CWC27: variants seen among roughly 807,000 people sequenced by gnomAD.
CWC27 encodes the protein spliceosome-associated protein CWC27 homolog.
In CWC27, 47 loss-of-function variants were observed where a neutral mutation model predicts 63.6. The observed-to-expected ratio is 0.74, with a 90% CI of 0.58 to 0.94. The LOEUF (loss-of-function observed/expected upper bound fraction) is 0.94, where lower values mean the gene tolerates loss of function less well. CWC27 is among the 40% of genes least tolerant of loss of function. The probability of loss-of-function intolerance (pLI) is 0.00; values close to 1 mark genes in which losing one functional copy is unlikely to be tolerated. For missense variants in CWC27, 495 were observed against 554.3 expected, an observed-to-expected ratio of 0.89 and a Z score of 1.07; for synonymous variants, 175 against 179.8, an observed-to-expected ratio of 0.97 and a Z score of 0.22.
Position 64,906,054 on chromosome 5 carries a change from C to T in CWC27, c.1042+20508C>T, listed in dbSNP as rs559402613. On this transcript the variant is annotated intron_variant, in intron 11 of 13. Transcript: ENST00000381070. ...GTAGTATTCCATGTTGTATATGTGCCACATTTTCTTAATCCAGTCTATCAT... is the reference window on the plus strand; with the variant it reads ...GTAGTATTCCATGTTGTATATGTGCTACATTTTCTTAATCCAGTCTATCAT... 1.8e-4 allele frequency among the ~76,000 whole-genome samples: 28 copies of T among 152,192 alleles called. No individual in the cohort carries two copies. The South Asian group carries it at 5.6e-3, about 30-fold the overall frequency.
chr5:64,782,156 A>G (rs962190874), intron 3 of CWC27, 123 bp downstream of exon 3: 32 of 514,718 alleles, frequency 6.2e-5, no homozygotes, highest in African/African-American at 5.9e-4. Flanking sequence ...ACATTAGTAT[A>G]TAAACATCAG....
At chr5:64,780,680 TACACACGCGC>T (rs1358734135) in intron 2 of CWC27, among the ~76,000 whole-genome samples, 1 of 74,924 alleles carries the variant, frequency 1.3e-5, no homozygotes, top group African/African-American at 3.9e-5. Flanking sequence ...ATCACTTGTA[TACACACGCGC>T]ACACGCGCGC....
In CWC27 at chr5:64,885,527, A is replaced by C; in HGVS notation, c.1023A>C (p.Gln341His). 1.9e-6 allele frequency: 3 copies of C among 1,601,554 alleles called. No homozygotes were observed. The highest frequency in any genetic ancestry group is 2.6e-6 in the Non-Finnish European group (3 of 1,173,378). Residue 341 changes from glutamine to histidine, a missense_variant, in exon 11 of 14, where the codon CAA becomes CAC. Gln to His is a conservative substitution (Grantham distance 24). Transcript: ENST00000381070. ...KQKKVENAAK[Q>H]AEKRSEEEEA... ...AAAAAGTAGAAAATGCAGCAAAACA[A>C]GCAGAAAAAAGAAGTGAAGGTAAGG... is the stretch of plus-strand genomic sequence containing the variant.
At chr5:64,978,629 G>A (rs1011564416) in intron 13 of CWC27, among the ~76,000 whole-genome samples, 6 of 150,502 alleles carry the variant, frequency 4.0e-5, no homozygotes, top group Admixed American at 2.0e-4. Context: ...TTTGGCGGTG[G>A]GGGGGATTCC....
intron 10 of CWC27, among the ~76,000 whole-genome samples, chr5:64,833,082 A>G (rs1243916876): frequency 6.6e-6 from 1 of 151,860 alleles, no homozygotes; most frequent in African/African-American, 2.4e-5. Flanking sequence ...AAGTTACATG[A>G]TTTAAAATAT....
chr5:64,829,554 T>C (rs16893172), intron 10 of CWC27, among the ~76,000 whole-genome samples: 53,456 of 151,694 alleles, frequency 0.35, 9,866 homozygotes, highest in East Asian at 0.51. Flanking sequence ...GAAGGCCTCA[T>C]ATACTTAATT....
At chr5:64,978,038 A>G (rs1423421320) in intron 13 of CWC27, among the ~76,000 whole-genome samples, 1 of 152,072 alleles carries the variant, frequency 6.6e-6, no homozygotes, top group African/African-American at 2.4e-5. Context: ...CCAACCCAGA[A>G]TCATAGCCTC....
chr5:64,871,633 A>G (rs1444389651), intron 10 of CWC27, among the ~76,000 whole-genome samples: 2 of 152,172 alleles, frequency 1.3e-5, no homozygotes, highest in Non-Finnish European at 2.9e-5. Context: ...ATTAAGGGTC[A>G]CTGTAGCATT....
intron 10 of CWC27, among the ~76,000 whole-genome samples, chr5:64,814,678 G>C (rs1254776281): frequency 6.6e-6 from 1 of 152,194 alleles, no homozygotes; most frequent in Non-Finnish European, 1.5e-5. Flanking sequence ...CTAGAGAGGG[G>C]TTGGCCAGAG....
intron 10 of CWC27, among the ~76,000 whole-genome samples, chr5:64,884,475 G>A (rs912759025): frequency 5.3e-5 from 8 of 152,128 alleles, no homozygotes; most frequent in African/African-American, 1.7e-4. Flanking sequence ...TTTGGGATAA[G>A]GAAAGAAGCA....
chr5:64,966,615 C>T (rs1749017019), intron 11 of CWC27, among the ~76,000 whole-genome samples: 1 of 152,018 alleles, frequency 6.6e-6, no homozygotes, highest in Non-Finnish European at 1.5e-5. Context: ...TCAGATCAGT[C>T]TCACCCAAAG....
chr5:64,934,195 T>G (rs1748298298), intron 11 of CWC27, among the ~76,000 whole-genome samples: 1 of 152,224 alleles, frequency 6.6e-6, no homozygotes, highest in Admixed American at 6.5e-5. Context: ...CATCGTTTGC[T>G]GCACCTATCA....
intron 11 of CWC27, among the ~76,000 whole-genome samples, chr5:64,946,020 G>A (rs1366291477): frequency 6.6e-6 from 1 of 152,062 alleles, no homozygotes; most frequent in Non-Finnish European, 1.5e-5. Flanking sequence ...TAGAGAATAT[G>A]TTGCTTTGCT....
chr5:64,857,965 G>A (rs548156005), intron 10 of CWC27, among the ~76,000 whole-genome samples: 2 of 147,652 alleles, frequency 1.4e-5, no homozygotes, highest in African/African-American at 5.0e-5. Flanking sequence ...GTGAAACCCC[G>A]TCTCTACTAA....
intron 13 of CWC27, among the ~76,000 whole-genome samples, chr5:65,004,909 T>TACACACACAC (rs61613608): frequency 1.1e-4 from 7 of 65,084 alleles, no homozygotes; most frequent in East Asian, 6.5e-4. Flanking sequence ...TATATATACA[T>TACACACACAC]ACACACACAC....
chr5:64,996,085 G>A (rs1197541037), intron 13 of CWC27, among the ~76,000 whole-genome samples: 1 of 152,086 alleles, frequency 6.6e-6, no homozygotes, highest in Non-Finnish European at 1.5e-5. Context: ...CCATTTTCTG[G>A]TATGGGCATA....
chr5:64,793,878 A>T (rs1011759213), intron 7 of CWC27, among the ~76,000 whole-genome samples: 1 of 152,078 alleles, frequency 6.6e-6, no homozygotes, highest in African/African-American at 2.4e-5. Flanking sequence ...GTGAAAGGAG[A>T]AATAAGATTA....
At chr5:64,993,537 G>T (rs1749578480) in intron 13 of CWC27, among the ~76,000 whole-genome samples, 1 of 152,040 alleles carries the variant, frequency 6.6e-6, no homozygotes, top group African/African-American at 2.4e-5. Context: ...AAATGCGGAG[G>T]CTGGCAGACT....
At chr5:64,892,682 A>T (rs901402810) in intron 11 of CWC27, among the ~76,000 whole-genome samples, 3 of 152,168 alleles carry the variant, frequency 2.0e-5, no homozygotes, top group African/African-American at 7.2e-5. Context: ...CTTCTTAATT[A>T]TCTTACATCA....
Sources: allele counts gnomAD v4.1 joint callset (sites outside exome capture counted in the v4.1 genomes callset), GRCh38; gene constraint gnomAD v4.1.1; transcripts MANE v1.5; gene names NCBI Gene and HGNC (gene_info 2026-07-23, HGNC 2026-07-21).